Variants in HPSE2 observed in about 807,000 individuals in gnomAD.
HPSE2 encodes the protein heparanase 2 (inactive), also known as inactive heparanase-2.
Under a neutral mutation model 60.5 loss-of-function variants are expected in HPSE2, and 38 were observed. The ratio of observed to expected loss-of-function variants is 0.63; its 90% CI spans 0.48 to 0.82. The LOEUF (loss-of-function observed/expected upper bound fraction) is 0.82. Among genes scored for constraint, HPSE2 ranks in the 40% least tolerant of loss-of-function variants. The pLI, the probability that HPSE2 is intolerant of heterozygous loss-of-function variation, is 0.00. For missense variants in HPSE2, 713 were observed against 740.4 expected, an observed-to-expected ratio of 0.96 and a Z score of 0.43; for synonymous variants, 295 against 293.2, an observed-to-expected ratio of 1.01 and a Z score of -0.06.
At chr10:98,761,358 T>C (rs1461864082) in intron 3 of HPSE2, among the ~76,000 whole-genome samples, 1 of 152,148 alleles carries the variant, frequency 6.6e-6, no homozygotes, top group Non-Finnish European at 1.5e-5. Flanking sequence ...ATCTTTTCTA[T>C]TTGTTTCTTA....
At chr10:98,529,648 C>G (rs1334175106) in intron 9 of HPSE2, among the ~76,000 whole-genome samples, 1 of 152,122 alleles carries the variant, frequency 6.6e-6, no homozygotes, top group East Asian at 1.9e-4. Context: ...TCTTCAAAAT[C>G]TCTTCTCCAA....
intron 3 of HPSE2, among the ~76,000 whole-genome samples, chr10:98,849,417 A>C (rs765811057): frequency 6.6e-6 from 1 of 152,240 alleles, no homozygotes; most frequent in Non-Finnish European, 1.5e-5. Context: ...AAACAGAATC[A>C]GAGTAAATAA....
intron 3 of HPSE2, among the ~76,000 whole-genome samples, chr10:99,086,268 A>T (rs1843311954): frequency 6.6e-6 from 1 of 152,078 alleles, no homozygotes; most frequent in Non-Finnish European, 1.5e-5. Flanking sequence ...ACTTTAAGTG[A>T]ATTGAAGACT....
chr10:99,271,823 G>A, the HPSE2 span, among the ~76,000 whole-genome samples: 7 of 152,222 alleles, frequency 4.6e-5, no homozygotes, highest in African/African-American at 1.7e-4. Flanking sequence ...ACAGAATAGA[G>A]AACCCAGAAA....
chr10:99,305,866 T>A, the HPSE2 span, among the ~76,000 whole-genome samples: 1 of 151,974 alleles, frequency 6.6e-6, no homozygotes, highest in Non-Finnish European at 1.5e-5. Flanking sequence ...CTGACATTAA[T>A]AACTCAATGG....
chr10:99,025,177 T>TGTATTTTGCAG, intron 3 of HPSE2, among the ~76,000 whole-genome samples: 1 of 151,974 alleles, frequency 6.6e-6, no homozygotes, highest in Non-Finnish European at 1.5e-5. Context: ...AGCAGAGAGA[T>TGTATTTTGCAG]GAAGTTAAGG....
chr10:99,307,311 C>T, the HPSE2 span, among the ~76,000 whole-genome samples: 1 of 152,124 alleles, frequency 6.6e-6, no homozygotes, highest in Admixed American at 6.5e-5. Context: ...TATATTAAAT[C>T]GTATGTCTCA....
intron 4 of HPSE2, among the ~76,000 whole-genome samples, chr10:98,740,658 T>C (rs1949474885): frequency 1.3e-5 from 2 of 152,326 alleles, no homozygotes; most frequent in South Asian, 4.1e-4. Flanking sequence ...CAGAAACTTA[T>C]ACTTTGTTTT....
At chr10:99,220,312 A>C (rs1199843499) in intron 2 of HPSE2, among the ~76,000 whole-genome samples, 2 of 151,970 alleles carry the variant, frequency 1.3e-5, no homozygotes, top group African/African-American at 2.4e-5. Flanking sequence ...AAAGAGAATA[A>C]ACAGGTCCTC....
chr10:99,257,179 T>C, the HPSE2 span, among the ~76,000 whole-genome samples: 1 of 152,148 alleles, frequency 6.6e-6, no homozygotes, highest in Non-Finnish European at 1.5e-5. Flanking sequence ...GATGATTGCG[T>C]TAACTGCACA....
rs963454419 is a variant in HPSE2, at chr10:98,646,425, C to G, written c.1005-4485G>C. On this transcript the variant is annotated intron_variant, in intron 6 of 11. Transcript: ENST00000370552. The stretch of plus-strand genomic sequence containing the variant: ...TCCTCCAAGCTCTCTTGAAATTCAG[C>G]ATCACTTAAGATCATACCACAAGTC... 5.9e-5 allele frequency among the ~76,000 whole-genome samples: 9 copies of G among 151,870 alleles called. No individual in the cohort carries two copies. In the South Asian group the frequency reaches 1.7e-3, roughly 28 times the overall value.
intron 3 of HPSE2, among the ~76,000 whole-genome samples, chr10:99,034,744 C>A (rs890220846): frequency 1.6e-4 from 25 of 152,116 alleles, no homozygotes; most frequent in African/African-American, 5.8e-4. Context: ...TTACACAAAT[C>A]TAGATGTTAT....
intron 3 of HPSE2, among the ~76,000 whole-genome samples, chr10:98,891,953 T>C (rs1468453101): frequency 2.0e-5 from 3 of 151,834 alleles, no homozygotes; most frequent in African/African-American, 7.3e-5. Flanking sequence ...GTATTTTTAG[T>C]AGTGATGGGG....
At chr10:99,198,866 G>A (rs187679976) in intron 2 of HPSE2, among the ~76,000 whole-genome samples, 1 of 152,040 alleles carries the variant, frequency 6.6e-6, no homozygotes, top group African/African-American at 2.4e-5. Flanking sequence ...CCCAGTACCT[G>A]GAAACCACCA....
intron 6 of HPSE2, among the ~76,000 whole-genome samples, chr10:98,665,333 T>G (rs1947333985): frequency 6.6e-6 from 1 of 152,114 alleles, no homozygotes; most frequent in South Asian, 2.1e-4. Context: ...AGAGAGAAGA[T>G]AAGAGAGTAA....
In HPSE2 at chr10:99,162,613, G is replaced by A. The variant is rs971391373; in HGVS notation, c.449-18214C>T. Among the ~76,000 whole-genome samples the A allele has an allele frequency of 1.1e-4, 16 of 152,246 alleles. No homozygotes were observed. In the South Asian group the frequency reaches 3.1e-3, roughly 30 times the overall value. ...GACTTTAGAAGAGCTTCTGTGCTGA[G>A]ATCCTAATATTCCCAAGCCAAAGTA... On this transcript the variant is annotated intron_variant, in intron 2 of 11. Coordinates refer to ENST00000370552, the MANE Select transcript of HPSE2 (RefSeq NM_021828.5).
chr10:99,069,952 C>T (rs563354898), intron 3 of HPSE2, among the ~76,000 whole-genome samples: 3 of 152,072 alleles, frequency 2.0e-5, no homozygotes, highest in East Asian at 1.9e-4. Flanking sequence ...AAAGAGTCTG[C>T]GTATCTAGGC....
intron 3 of HPSE2, among the ~76,000 whole-genome samples, chr10:98,983,100 G>C (rs372460365): frequency 1.1e-4 from 16 of 152,308 alleles, no homozygotes; most frequent in African/African-American, 3.6e-4. Flanking sequence ...CCAGGGACCA[G>C]TTTCATGGAA....
At position 98,937,903 on chromosome 10, in the gene HPSE2, C is replaced by A. The variant is rs190963023; in HGVS notation, c.611-193847G>T. 8.8e-3 allele frequency among the ~76,000 whole-genome samples: 1,260 copies of A among 143,600 alleles called. 119 individuals carry two copies. Among genetic ancestry groups the A allele is most frequent in the South Asian group, 0.016 (75 of 4,722 alleles). 94.2% of individuals were successfully genotyped at this position (143,600 alleles called of 152,430 possible). On this transcript the variant is annotated intron_variant, in intron 3 of 11. Coordinates refer to ENST00000370552, the MANE Select transcript of HPSE2 (RefSeq NM_021828.5). The stretch of plus-strand genomic sequence containing the variant: ...CTCTGAGACAAAACTTCCAGAGGAA[C>A]GATCAGACAGCAGCATTCGCGGTTC...
Sources: allele counts gnomAD v4.1 joint callset (sites outside exome capture counted in the v4.1 genomes callset), GRCh38; gene constraint gnomAD v4.1.1; transcripts MANE v1.5; gene names NCBI Gene and HGNC (gene_info 2026-07-23, HGNC 2026-07-21).